Variants in ITGA9 observed in about 807,000 individuals in gnomAD.
ITGA9 encodes the protein integrin alpha-9.
In ITGA9, 56 loss-of-function variants were observed where a neutral mutation model predicts 127.8. The ratio of observed to expected loss-of-function variants is 0.44; its 90% CI spans 0.35 to 0.55. The LOEUF (loss-of-function observed/expected upper bound fraction) is 0.55, where lower values mean the gene tolerates loss of function less well. Ranked by LOEUF, ITGA9 falls within the 20% of genes least tolerant of loss-of-function variation. The probability of loss-of-function intolerance (pLI) is 0.00; values close to 1 mark genes in which losing one functional copy is unlikely to be tolerated. For synonymous variants in ITGA9, 508 were observed against 514.5 expected (o/e 0.99, Z 0.17); for missense variants, 1,196 against 1,347.1 (o/e 0.89, Z 1.76).
At chr3:37,464,167 C>T (rs562852698) in intron 1 of ITGA9, among the ~76,000 whole-genome samples, 17 of 148,366 alleles carry the variant, frequency 1.1e-4, no homozygotes, top group Non-Finnish European at 2.2e-4. Context: ...TTGTGATGGC[C>T]TTTGTGCAAG....
chr3:37,788,769 T>C (rs2125555645), intron 26 of ITGA9, among the ~76,000 whole-genome samples: 1 of 151,248 alleles, frequency 6.6e-6, no homozygotes, highest in East Asian at 1.9e-4. Flanking sequence ...CATCCGAAAC[T>C]GTATATCATC....
intron 23 of ITGA9, among the ~76,000 whole-genome samples, chr3:37,757,158 A>G (rs1036889169): frequency 6.6e-6 from 1 of 151,928 alleles, no homozygotes; most frequent in South Asian, 2.1e-4. Context: ...TGAAGGTATT[A>G]TTAAAGACAA....
intron 26 of ITGA9, among the ~76,000 whole-genome samples, chr3:37,796,521 G>A (rs1316024599): frequency 1.3e-5 from 2 of 151,954 alleles, no homozygotes; most frequent in Admixed American, 6.6e-5. Flanking sequence ...ATGGAACGAC[G>A]GACAGACGGA....
At chr3:37,498,933 C>T (rs1001529345) in intron 5 of ITGA9, among the ~76,000 whole-genome samples, 4 of 152,202 alleles carry the variant, frequency 2.6e-5, no homozygotes, top group Non-Finnish European at 5.9e-5. Context: ...TTGCTGACCT[C>T]GCCACTTGGG....
intron 16 of ITGA9, among the ~76,000 whole-genome samples, chr3:37,649,974 C>G (rs988588234): frequency 1.3e-5 from 2 of 152,242 alleles, no homozygotes; most frequent in Admixed American, 6.5e-5. Context: ...TTGATCAACA[C>G]AGCTCTCTGT....
intron 5 of ITGA9, among the ~76,000 whole-genome samples, chr3:37,499,299 G>A (rs1698765144): frequency 6.6e-6 from 1 of 152,246 alleles, no homozygotes; most frequent in Non-Finnish European, 1.5e-5. Flanking sequence ...ACGGACTTCT[G>A]TTGTAGATCC....
chr3:37,479,902 A>C (rs1698534240), intron 3 of ITGA9, among the ~76,000 whole-genome samples: 1 of 152,234 alleles, frequency 6.6e-6, no homozygotes. Flanking sequence ...CCAGGATTGC[A>C]GAAGAGGTCA....
chr3:37,793,989 C>T (rs1057290485), intron 26 of ITGA9, among the ~76,000 whole-genome samples: 9 of 152,182 alleles, frequency 5.9e-5, no homozygotes, highest in African/African-American at 1.7e-4. Flanking sequence ...GGCAGAGAAC[C>T]GAGTCTTGGC....
intron 15 of ITGA9, chr3:37,585,627 G>T: frequency 1.9e-6 from 1 of 516,630 alleles, no homozygotes; most frequent in Non-Finnish European, 3.9e-6. Flanking sequence ...TACATTCCAA[G>T]AAGGGAACAT....
chr3:37,610,200 TG>T, intron 15 of ITGA9, among the ~76,000 whole-genome samples: 1 of 152,296 alleles, frequency 6.6e-6, no homozygotes, highest in East Asian at 1.9e-4. Context: ...TGAAATGGCT[TG>T]TTGTGTCTCC....
intron 1 of ITGA9, among the ~76,000 whole-genome samples, chr3:37,469,099 A>C (rs1698401368): frequency 6.6e-6 from 1 of 152,068 alleles, no homozygotes; most frequent in Non-Finnish European, 1.5e-5. Context: ...TCTGGAGGGG[A>C]GCTTACTGCC....
intron 15 of ITGA9, among the ~76,000 whole-genome samples, chr3:37,564,232 A>C (rs1428640258): frequency 6.6e-6 from 1 of 152,196 alleles, no homozygotes; most frequent in African/African-American, 2.4e-5. Flanking sequence ...TTATGCCTTC[A>C]TATACCTTTT....
At chr3:37,647,803 G>C (rs911923627) in intron 16 of ITGA9, among the ~76,000 whole-genome samples, 3 of 152,000 alleles carry the variant, frequency 2.0e-5, no homozygotes. Context: ...AAAATGGCAG[G>C]ATCTCCTTTT....
chr3:37,475,985 A>G (rs1698489659), intron 3 of ITGA9, among the ~76,000 whole-genome samples: 1 of 152,198 alleles, frequency 6.6e-6, no homozygotes, highest in African/African-American at 2.4e-5. Context: ...ATTTAGCATA[A>G]TGTCCTCAAG....
At chr3:37,512,024 T>TTTCTTTCTTTC (rs59709172) in intron 8 of ITGA9, among the ~76,000 whole-genome samples, 20 of 31,944 alleles carry the variant, frequency 6.3e-4, no homozygotes, top group Admixed American at 2.1e-3. Flanking sequence ...TTTTCTTTTC[T>TTTCTTTCTTTC]TTTCTTTCTT....
intron 3 of ITGA9, among the ~76,000 whole-genome samples, chr3:37,475,762 AT>A (rs1413366297): frequency 1.2e-4 from 19 of 152,226 alleles, no homozygotes; most frequent in Non-Finnish European, 2.5e-4. Context: ...CACCTTAACC[AT>A]TTTGAGTGTA....
At chr3:37,535,749 C>T (rs1033866870) in intron 14 of ITGA9, among the ~76,000 whole-genome samples, 5 of 152,110 alleles carry the variant, frequency 3.3e-5, no homozygotes, top group Admixed American at 6.5e-5. Context: ...TGTGTTTCCC[C>T]GATAATCAGG....
intron 18 of ITGA9, among the ~76,000 whole-genome samples, chr3:37,729,451 G>A (rs1180344949): frequency 6.6e-6 from 1 of 152,102 alleles, no homozygotes; most frequent in Non-Finnish European, 1.5e-5. Flanking sequence ...ATTTTTATTT[G>A]ACTGAGTAAG....
chr3:37,715,134 G>A (rs1020739362), intron 18 of ITGA9, among the ~76,000 whole-genome samples: 12 of 152,194 alleles, frequency 7.9e-5, no homozygotes, highest in Admixed American at 7.9e-4. Context: ...AGCCCACCCA[G>A]GTTAAGGGTC....
Sources: gnomAD v4.1 joint callset for allele counts (sites outside exome capture counted in the v4.1 genomes callset) on GRCh38, gnomAD v4.1.1 for gene constraint, MANE v1.5 for transcripts, NCBI Gene and HGNC (gene_info 2026-07-23, HGNC 2026-07-21) for gene names.